Variants in ARHGEF28 observed in about 807,000 individuals in gnomAD.
The protein encoded by ARHGEF28 is Rho guanine nucleotide exchange factor 28.
ARHGEF28 carries 152 observed loss-of-function variants against 206.6 expected under a neutral mutation model. That is an observed-to-expected ratio of 0.74 (90% CI 0.64 to 0.84). The LOEUF is 0.84. ARHGEF28 is among the 40% of genes least tolerant of loss of function. ARHGEF28 has a pLI of 0.00. For synonymous variants in ARHGEF28, 763 were observed against 776.4 expected, an observed-to-expected ratio of 0.98 and a Z score of 0.29; for missense variants, 2,028 against 2,073.2, an observed-to-expected ratio of 0.98 and a Z score of 0.42.
chr5:73,834,542 C>CTCTGTGTGTGTGTGTGTGTGTGTG (rs1455818141), intron 10 of ARHGEF28, among the ~76,000 whole-genome samples: 19 of 146,324 alleles, frequency 1.3e-4, no homozygotes, highest in African/African-American at 4.6e-4. Context: ...AATAATATTC[C>CTCTGTGTGTGTGTGTGTGTGTGTG]TGTGTGTGTG....
chr5:73,631,035 T>A (rs188566732), intron 1 of ARHGEF28, among the ~76,000 whole-genome samples: 1 of 152,300 alleles, frequency 6.6e-6, no homozygotes, highest in East Asian at 1.9e-4. Context: ...GACATGCAAG[T>A]CCAGATTCCT....
At chr5:73,816,963 TG>T (rs1388907431) in intron 9 of ARHGEF28, among the ~76,000 whole-genome samples, 2 of 152,216 alleles carry the variant, frequency 1.3e-5, no homozygotes, top group African/African-American at 4.8e-5. Context: ...TTTTTTGTTT[TG>T]TTTTGTTTTT....
intron 2 of ARHGEF28, among the ~76,000 whole-genome samples, chr5:73,698,753 C>A (rs559793253): frequency 6.6e-6 from 1 of 151,992 alleles, no homozygotes; most frequent in Admixed American, 6.5e-5. Flanking sequence ...ACAGGAGAGG[C>A]AAATGGACTG....
chr5:73,882,433 C>G (rs758714289), intron 22 of ARHGEF28, 39 bp from the exon 23 acceptor site: 3 of 1,326,182 alleles, frequency 2.3e-6, no homozygotes, highest in Admixed American at 3.4e-5. Flanking sequence ...TTAGAACTTA[C>G]TAAATTTACA....
At chr5:73,653,712 C>T (rs1233879819) in intron 1 of ARHGEF28, among the ~76,000 whole-genome samples, 9 of 152,190 alleles carry the variant, frequency 5.9e-5, no homozygotes. Context: ...TCCCTTTAGC[C>T]TAGCTAACTG....
At chr5:73,907,125 T>C (rs899147553) in intron 33 of ARHGEF28, among the ~76,000 whole-genome samples, 1 of 152,220 alleles carries the variant, frequency 6.6e-6, no homozygotes, top group African/African-American at 2.4e-5. Flanking sequence ...TGTGAGGTTC[T>C]GGAGTTGATG....
intron 4 of ARHGEF28, among the ~76,000 whole-genome samples, chr5:73,756,691 A>C (rs979592725): frequency 2.0e-5 from 3 of 152,192 alleles, no homozygotes; most frequent in African/African-American, 7.2e-5. Context: ...TAACAGATGT[A>C]TTTATCAGTA....
intron 5 of ARHGEF28, 118 bp downstream of exon 5, chr5:73,774,156 T>A: frequency 1.1e-6 from 1 of 878,006 alleles, no homozygotes; most frequent in Non-Finnish European, 1.7e-6. Flanking sequence ...CTGTTAGCTC[T>A]CATGCATATA....
intron 15 of ARHGEF28, 102 bp from the exon 16 acceptor site, chr5:73,857,985 T>C: frequency 6.7e-7 from 1 of 1,493,980 alleles, no homozygotes; most frequent in Non-Finnish European, 9.0e-7. Flanking sequence ...TGATGGAAAA[T>C]GTAGAGACTT....
At chr5:73,736,609 A>C (rs1297309127) in intron 2 of ARHGEF28, among the ~76,000 whole-genome samples, 1 of 152,180 alleles carries the variant, frequency 6.6e-6, no homozygotes, top group African/African-American at 2.4e-5. Flanking sequence ...AGCAACCACA[A>C]TTAATAAACT....
intron 1 of ARHGEF28, among the ~76,000 whole-genome samples, chr5:73,638,770 A>C (rs1303517834): frequency 6.6e-6 from 1 of 152,222 alleles, no homozygotes; most frequent in African/African-American, 2.4e-5. Context: ...CAGTATTTAG[A>C]AAATACTAAT....
chr5:73,899,307 G>A (rs1012268005), intron 30 of ARHGEF28: 5 of 152,130 alleles, frequency 3.3e-5, no homozygotes, highest in East Asian at 1.9e-4. Context: ...TCTCAGCCTC[G>A]CCCCAGGGAC....
chr5:73,926,517 C>T (rs1763819291), intron 35 of ARHGEF28, among the ~76,000 whole-genome samples: 1 of 152,160 alleles, frequency 6.6e-6, no homozygotes, highest in South Asian at 2.1e-4. Context: ...TTCACCTGCA[C>T]AAATACATGT....
intron 4 of ARHGEF28, among the ~76,000 whole-genome samples, chr5:73,771,183 G>C (rs1753200745): frequency 6.6e-6 from 1 of 152,206 alleles, no homozygotes; most frequent in Non-Finnish European, 1.5e-5. Flanking sequence ...GGAGGGGAAA[G>C]AAAATTACAA....
In ARHGEF28 at chr5:73,774,480, G is replaced by A. The variant is rs182091722; in HGVS notation, c.659+442G>A. ...TGGGACTATTTCTGTTTTACCCATT[G>A]CAATGCTCTAGTACAATGTCCAGCA... On this transcript the variant is annotated intron_variant, in intron 5 of 35. Transcript: ENST00000513042. Among the ~76,000 whole-genome samples the A allele has an allele frequency of 1.3e-5, 2 of 152,246 alleles. 1 individual carries two copies. The highest frequency in any genetic ancestry group is 1.3e-4 in the Admixed American group (2 of 15,298).
intron 2 of ARHGEF28, among the ~76,000 whole-genome samples, chr5:73,734,179 G>A (rs1389377094): frequency 6.6e-6 from 1 of 152,100 alleles, no homozygotes; most frequent in Non-Finnish European, 1.5e-5. Flanking sequence ...AAAAAAGGAT[G>A]GAAGGGGCAT....
intron 1 of ARHGEF28, among the ~76,000 whole-genome samples, chr5:73,664,992 T>C (rs772971191): frequency 3.9e-5 from 6 of 152,180 alleles, no homozygotes; most frequent in Non-Finnish European, 7.3e-5. Flanking sequence ...CTACTTCTAG[T>C]TCAGCACCAA....
intron 14 of ARHGEF28, among the ~76,000 whole-genome samples, chr5:73,854,476 G>C (rs538446678): frequency 6.6e-6 from 1 of 152,210 alleles, no homozygotes; most frequent in East Asian, 1.9e-4. Context: ...CAAATCTGAG[G>C]ATCTGAGTGT....
At chr5:73,844,991 G>A (rs990786595) in intron 11 of ARHGEF28, among the ~76,000 whole-genome samples, 4 of 150,466 alleles carry the variant, frequency 2.7e-5, no homozygotes, top group Non-Finnish European at 5.9e-5. Flanking sequence ...TGGTTCTAAG[G>A]TAGAGTTTTC....
Sources: allele counts gnomAD v4.1 joint callset (sites outside exome capture counted in the v4.1 genomes callset), GRCh38; gene constraint gnomAD v4.1.1; transcripts MANE v1.5; gene names NCBI Gene and HGNC (gene_info 2026-07-23, HGNC 2026-07-21).